PLA2R1: variants seen among roughly 807,000 people sequenced by gnomAD.
The protein encoded by PLA2R1 is phospholipase A2 receptor 1.
In PLA2R1, 158 loss-of-function variants were observed where a neutral mutation model predicts 195.9. That is an observed-to-expected ratio of 0.81 (90% confidence interval 0.71 to 0.92). The LOEUF is 0.92. Among genes scored for constraint, PLA2R1 ranks in the 40% least tolerant of loss-of-function variants. PLA2R1 has a pLI of 0.00. For synonymous variants in PLA2R1, 586 were observed against 598.2 expected (o/e 0.98, Z 0.30); for missense variants, 1,626 against 1,764.6 (o/e 0.92, Z 1.41).
chr2:159,983,836 T>C, intron 13 of PLA2R1, 92 bp downstream of exon 13: 1 of 617,970 alleles, frequency 1.6e-6, no homozygotes. Flanking sequence ...TATGGGAATT[T>C]TAAACAACTA....
chr2:160,045,873 T>C lies in PLA2R1; in HGVS notation c.110-716A>G, dbSNP rs1450521764. 5.3e-5 allele frequency among the ~76,000 whole-genome samples: 8 copies of C among 152,112 alleles called. 1 individual carries two copies. Among genetic ancestry groups the C allele is most frequent in the Admixed American group, 5.2e-4 (8 of 15,268 alleles). ...AAACACGAGAGGTGACGGACCACCA[T>C]TACGGTGGCAGAAACCAGAGGCCAC... On this transcript the variant is annotated intron_variant, in intron 1 of 29. Transcript: ENST00000283243.
At chr2:159,985,151 T>G (rs1284109051) in intron 12 of PLA2R1, among the ~76,000 whole-genome samples, 15 of 152,220 alleles carry the variant, frequency 9.9e-5, no homozygotes, top group Admixed American at 5.2e-4. Context: ...AATCGTGATC[T>G]TGGGCAAATC....
rs1312919748 is a variant in PLA2R1 at position 159,939,498 on chromosome 2, C to T, written c.*2280G>A. 1 of 136,102 alleles carries T rather than the reference C, an allele frequency of 7.3e-6. No individual in the cohort carries two copies. The allele number at this position is 136,102 out of a possible 1,614,324, so 8.4% of individuals were successfully genotyped here. A position where few individuals can be genotyped will look rare whatever the true frequency, so the allele number is the denominator to read the frequency against. On this transcript the variant is annotated 3_prime_UTR_variant, in exon 30 of 30. Transcript: ENST00000283243. ...TCCTGCCTGGCAACAGAGCAAGACT[C>T]CATCTCCAAAAAAAAAAAAAAAAAA...
chr2:160,003,088 AT>A (rs993053245), intron 11 of PLA2R1, among the ~76,000 whole-genome samples: 6 of 152,082 alleles, frequency 3.9e-5, no homozygotes, highest in Non-Finnish European at 8.8e-5. Context: ...TTATTATGGT[AT>A]TTCGAATCAG....
At chr2:160,057,856 T>C (rs2105710877) in intron 1 of PLA2R1, among the ~76,000 whole-genome samples, 1 of 152,328 alleles carries the variant, frequency 6.6e-6, no homozygotes, top group East Asian at 1.9e-4. Context: ...GCACTCCCAC[T>C]GACTTTCTGT....
downstream of PLA2R1, among the ~76,000 whole-genome samples, chr2:159,930,252 C>T (rs557503906): frequency 6.6e-6 from 1 of 151,908 alleles, no homozygotes; most frequent in South Asian, 2.1e-4. Context: ...ACTAAAAATA[C>T]AAAAAATTAG....
intron 20 of PLA2R1, among the ~76,000 whole-genome samples, chr2:159,956,992 AC>A: frequency 6.6e-6 from 1 of 152,086 alleles, no homozygotes; most frequent in East Asian, 1.9e-4. Flanking sequence ...AAAAACAAAA[AC>A]ATTCTGGGGG....
intron 7 of PLA2R1, 145 bp from the exon 8 acceptor site, chr2:160,020,408 T>A: frequency 1.6e-6 from 1 of 622,278 alleles, no homozygotes. Flanking sequence ...AGTCTTGGTA[T>A]AAAATGTCTG....
chr2:160,013,138 A>G, intron 10 of PLA2R1, 125 bp downstream of exon 10: 1 of 436,068 alleles, frequency 2.3e-6, no homozygotes, highest in African/African-American at 2.0e-5. Flanking sequence ...TAACTTAAAT[A>G]ATTTAGTACT....
chr2:159,965,690 G>T (rs62176720), intron 20 of PLA2R1, among the ~76,000 whole-genome samples: 27,183 of 152,152 alleles, frequency 0.18, 2,812 homozygotes, highest in Middle Eastern at 0.43. Flanking sequence ...AATGGTAAAA[G>T]TATGTTTAGT....
chr2:160,023,015 G>C (rs1049045776), intron 6 of PLA2R1, among the ~76,000 whole-genome samples, 156 bp from the exon 7 acceptor site: 1 of 152,174 alleles, frequency 6.6e-6, no homozygotes, highest in African/African-American at 2.4e-5. Context: ...GATCTTCAGA[G>C]TTGAGAAGGG....
chr2:159,947,704 T>G, intron 25 of PLA2R1, 145 bp from the exon 26 acceptor site: 1 of 778,988 alleles, frequency 1.3e-6, no homozygotes, highest in Non-Finnish European at 2.1e-6. Flanking sequence ...GGGTTTCATG[T>G]AAATGATTAT....
chr2:160,040,161 A>T (rs767943501), intron 3 of PLA2R1, among the ~76,000 whole-genome samples: 28 of 152,126 alleles, frequency 1.8e-4, no homozygotes, highest in Non-Finnish European at 3.5e-4. Flanking sequence ...ACACACCTAC[A>T]TGCATACATT....
chr2:160,034,008 T>C (rs1375206441), intron 3 of PLA2R1, among the ~76,000 whole-genome samples: 1 of 152,160 alleles, frequency 6.6e-6, no homozygotes, highest in East Asian at 1.9e-4. Flanking sequence ...GTAAGACAAC[T>C]TTAAGAGGCT....
Position 160,062,442 on chromosome 2 carries a change from G to T in PLA2R1, c.-39C>A, listed in dbSNP as rs1329393017. 1 of 1,514,042 alleles carries T rather than the reference G, an allele frequency of 6.6e-7. No individual in the cohort carries two copies. The highest frequency in any genetic ancestry group is 2.7e-5 in the East Asian group (1 of 36,870). 93.8% of individuals were successfully genotyped at this position (1,514,042 alleles called of 1,614,324 possible). Reference sequence around the variant, plus strand: ...GCTCTCCGGGAGCCCCTTGTCCCGGGAGCCCCTTATCCCGGGAGCCCAGAG... The same window carrying T: ...GCTCTCCGGGAGCCCCTTGTCCCGGTAGCCCCTTATCCCGGGAGCCCAGAG... On this transcript the variant is annotated 5_prime_UTR_variant, in exon 1 of 30. Transcript: ENST00000283243.
chr2:160,001,103 T>G (rs1160930856), intron 11 of PLA2R1, among the ~76,000 whole-genome samples: 1 of 152,086 alleles, frequency 6.6e-6, no homozygotes, highest in African/African-American at 2.4e-5. Flanking sequence ...TACACTAGTA[T>G]ATGAATACAT....
chr2:159,936,223 G>A lies in PLA2R1; in HGVS notation c.*5555C>T, dbSNP rs986038655. Reference sequence around the variant, plus strand: ...CGCCTCGGCCTCCCAAAGTTGCTGGGATTACAGGCGTGAGCCACCGCGCCC... The same window carrying A: ...CGCCTCGGCCTCCCAAAGTTGCTGGAATTACAGGCGTGAGCCACCGCGCCC... On this transcript the variant is annotated 3_prime_UTR_variant, in exon 30 of 30. Coordinates refer to ENST00000283243, the MANE Select transcript of PLA2R1 (RefSeq NM_007366.5). 6.6e-6 allele frequency: 1 copy of A among 152,140 alleles called. No individual in the cohort carries two copies. 9.4% of individuals were successfully genotyped at this position (152,140 alleles called of 1,614,324 possible).
At chr2:160,001,046 T>A (rs1004635575) in intron 11 of PLA2R1, among the ~76,000 whole-genome samples, 1 of 152,064 alleles carries the variant, frequency 6.6e-6, no homozygotes, top group Non-Finnish European at 1.5e-5. Flanking sequence ...GGGAGTCTAA[T>A]GAAAAGGATA....
chr2:159,979,086 G>A (rs1689768979), intron 14 of PLA2R1, among the ~76,000 whole-genome samples: 1 of 152,160 alleles, frequency 6.6e-6, no homozygotes, highest in African/African-American at 2.4e-5. Context: ...ATAAACAGCA[G>A]TTGCATTAAA....
Sources: allele counts gnomAD v4.1 joint callset (sites outside exome capture counted in the v4.1 genomes callset), GRCh38; gene constraint gnomAD v4.1.1; transcripts MANE v1.5; gene names NCBI Gene and HGNC (gene_info 2026-07-23, HGNC 2026-07-21).